The following E2F7 variants were observed in gnomAD, a reference collection of about 807,000 sequenced individuals.
E2F7 encodes E2F transcription factor 7.
E2F7 carries 35 observed loss-of-function variants against 81.1 expected under a neutral mutation model. That is an observed-to-expected ratio of 0.43 (90% CI 0.33 to 0.57). E2F7 has a LOEUF of 0.57. Among genes scored for constraint, E2F7 ranks in the 20% least tolerant of loss-of-function variants. E2F7 has a pLI of 0.04. For synonymous variants in E2F7, 416 were observed against 416.2 expected, an observed-to-expected ratio of 1.00 and a Z score of 0.01; for missense variants, 961 against 1,093.7, an observed-to-expected ratio of 0.88 and a Z score of 1.71.
In E2F7 at chr12:77,028,075, G is replaced by C; in HGVS notation, c.1948C>G (p.Leu650Val). 3.1e-6 allele frequency: 5 copies of C among 1,614,208 alleles called. No homozygotes were observed. Among genetic ancestry groups the C allele is most frequent in the Non-Finnish European group, 4.2e-6 (5 of 1,180,044 alleles). The change falls in exon 11 of 13, where the codon CTC becomes GTC. Residue 650 changes from leucine to valine, a missense_variant. Physicochemically the swap from Leu to Val is conservative, Grantham distance 32. Transcript: ENST00000322886. ...KTMGNRASIP[L>V]KDIHVNGQLP... ...TGGCCATTCACATGAATGTCTTTGA[G>C]GGGTATAGATGCCCTGTTACCCATA...
chr12:77,047,142 G>T lies in E2F7; in HGVS notation c.539-814C>A, dbSNP rs537959912. ...TTTCCCAACACTCCCAAGGCAGCTA[G>T]GATTATAAACTGTCCATTAAACCTA... On this transcript the variant is annotated intron_variant, in intron 4 of 12. Transcript: ENST00000322886. Among the ~76,000 whole-genome samples the T allele has an allele frequency of 8.0e-4, 121 of 152,162 alleles. 1 individual carries two copies. The highest frequency in any genetic ancestry group is 1.5e-3 in the Non-Finnish European group (99 of 68,038).
chr12:77,039,797 C>T (rs1315632634), intron 7 of E2F7, among the ~76,000 whole-genome samples: 3 of 152,194 alleles, frequency 2.0e-5, no homozygotes, highest in Admixed American at 2.0e-4. Flanking sequence ...TGCAGCCTTT[C>T]CATTCCTAGG....
chr12:77,033,575 C>T (rs1204608875), intron 8 of E2F7, among the ~76,000 whole-genome samples: 1 of 152,214 alleles, frequency 6.6e-6, no homozygotes, highest in African/African-American at 2.4e-5. Flanking sequence ...TAATGAATTT[C>T]TGAGATACAT....
rs180975740 is a variant in E2F7 at position 77,038,318 on chromosome 12, A to G, written c.1124-4276T>C. The stretch of plus-strand genomic sequence containing the variant: ...CGTTCCACCAAACAACAGAATATAT[A>G]CTCTGTATATTTGTGTATATTTACC... On this transcript the variant is annotated intron_variant, in intron 7 of 12. Coordinates refer to ENST00000322886, the MANE Select transcript of E2F7 (RefSeq NM_203394.3). Among the ~76,000 whole-genome samples, 184 of 152,168 alleles carry G rather than the reference A, an allele frequency of 1.2e-3. 1 individual carries two copies. The highest frequency in any genetic ancestry group is 4.0e-3 in the African/African-American group (166 of 41,524).
At chr12:77,026,352 G>C (rs1236656664) in intron 11 of E2F7, among the ~76,000 whole-genome samples, 2 of 152,170 alleles carry the variant, frequency 1.3e-5, no homozygotes, top group South Asian at 2.1e-4. Flanking sequence ...ACCCAGGCTG[G>C]AGTGCAGTGG....
Position 77,028,029 on chromosome 12 carries a change from A to T in E2F7, c.1994T>A (p.Ile665Asn). 6.2e-7 allele frequency: 1 copy of T among 1,614,106 alleles called. No individual in the cohort carries two copies. Among genetic ancestry groups the T allele is most frequent in the Non-Finnish European group, 8.5e-7 (1 of 1,180,016 alleles). The part of the protein sequence containing the change: ...VNGQLPAAEE[I>N]SGKATANSLV... ...AGAGTTTGCTGTTGCCTTTCCTGAAATCTCTTCTGCAGCAGGGAGTTGGCC... is the reference window on the plus strand; with the variant it reads ...AGAGTTTGCTGTTGCCTTTCCTGAATTCTCTTCTGCAGCAGGGAGTTGGCC... Residue 665 changes from isoleucine (I) to asparagine (N), a missense_variant, in exon 11 of 13, where the codon ATT becomes AAT. Around this residue, in one of 3 missense-constraint regions of E2F7, gnomAD observed 587 missense variants for 620.3 expected, o/e 0.95. Coordinates refer to ENST00000322886, the MANE Select transcript of E2F7 (RefSeq NM_203394.3).
At chr12:77,050,906 T>C (rs1223227415) in intron 3 of E2F7, among the ~76,000 whole-genome samples, 162 bp from the exon 4 acceptor site, 1 of 152,214 alleles carries the variant, frequency 6.6e-6, no homozygotes, top group Admixed American at 6.5e-5. Context: ...GAATGTTTTA[T>C]CTATTGTCTT....
rs371572509 is a variant in E2F7, at chr12:77,025,907, G to A, written c.2216C>T (p.Pro739Leu). Residue 739 changes from proline (P) to leucine (L), a missense_variant, in exon 12 of 13, where the codon CCG (proline) becomes CTG (leucine). Pro to Leu is a moderately conservative substitution (Grantham distance 98). Around this residue, in one of 3 missense-constraint regions of E2F7, gnomAD observed 587 missense variants for 620.3 expected, o/e 0.95. Coordinates refer to ENST00000322886, the MANE Select transcript of E2F7 (RefSeq NM_203394.3). ...GACCATGCAAGGGACACTGAAAGAC[G>A]GCAGCTGACCTGAGGACGGGCCCAC... ...PTVGPSSGQL[P>L]SFSVPCMVLP... is the part of the protein sequence containing the mutation. The A allele has an allele frequency of 1.3e-4, 213 of 1,614,028 alleles. No homozygotes were observed. Among genetic ancestry groups the A allele is most frequent in the Admixed American group, 1.7e-4 (10 of 59,986 alleles).
chr12:77,054,603 C>T (rs921023168), intron 3 of E2F7, among the ~76,000 whole-genome samples: 8 of 152,052 alleles, frequency 5.3e-5, no homozygotes, highest in Non-Finnish European at 8.8e-5. Context: ...AGTGACTGAT[C>T]GCTAAAATCT....
At chr12:77,030,960 G>A (rs180688717) in intron 9 of E2F7, among the ~76,000 whole-genome samples, 16 of 152,326 alleles carry the variant, frequency 1.1e-4, no homozygotes, top group African/African-American at 3.1e-4. Context: ...AAATGAAGTG[G>A]ACAGTGAGGA....
chr12:77,058,991 G>A (rs540931911), intron 2 of E2F7, among the ~76,000 whole-genome samples: 2 of 152,212 alleles, frequency 1.3e-5, no homozygotes, highest in Non-Finnish European at 2.9e-5. Flanking sequence ...GCTTTGATGA[G>A]TTATTCCAAA....
At chr12:77,028,764 C>A (rs555956267) in intron 10 of E2F7, among the ~76,000 whole-genome samples, 1 of 152,172 alleles carries the variant, frequency 6.6e-6, no homozygotes, top group Non-Finnish European at 1.5e-5. Context: ...TAAGCCACCG[C>A]GCCCGGCTGG....
intron 7 of E2F7, among the ~76,000 whole-genome samples, chr12:77,041,454 G>C (rs892848613): frequency 6.6e-6 from 1 of 152,138 alleles, no homozygotes; most frequent in Admixed American, 6.5e-5. Flanking sequence ...GCCTCCCAAA[G>C]TGCTGGGATT....
Position 77,046,302 on chromosome 12 carries a change from T to G in E2F7, c.565A>C (p.Ile189Leu). 6.2e-7 allele frequency: 1 copy of G among 1,613,576 alleles called. No individual in the cohort carries two copies. Among genetic ancestry groups the G allele is most frequent in the Non-Finnish European group, 8.5e-7 (1 of 1,179,608 alleles). Residue 189 changes from isoleucine to leucine, a missense_variant, in exon 5 of 13, where the codon ATT becomes CTT. This residue lies in a region of E2F7 where 301 missense variants were observed against 405.0 expected (regional missense o/e 0.74). Coordinates refer to ENST00000322886, the MANE Select transcript of E2F7 (RefSeq NM_203394.3). The part of the protein sequence containing the change: ...LGVERRRIYD[I>L]VNVLESLHLV... Reference sequence around the variant, plus strand: ...TGCAGCGACTCCAGCACATTTACAATGTCATAGATGCGTCTCCTTTCCACA... The same window carrying G: ...TGCAGCGACTCCAGCACATTTACAAGGTCATAGATGCGTCTCCTTTCCACA...
chr12:77,043,481 AC>A (rs1954911333), intron 6 of E2F7, among the ~76,000 whole-genome samples: 1 of 152,038 alleles, frequency 6.6e-6, no homozygotes, highest in Non-Finnish European at 1.5e-5. Flanking sequence ...TTGCAAAAAC[AC>A]CAAGGGAGGG....
intron 2 of E2F7, 152 bp downstream of exon 2, chr12:77,064,391 G>A: frequency 3.0e-6 from 2 of 656,022 alleles, no homozygotes; most frequent in Non-Finnish European, 2.5e-6. Context: ...GGTTTGGATG[G>A]CTCTATTTTT....
intron 8 of E2F7, 99 bp downstream of exon 8, chr12:77,033,758 T>G: frequency 8.1e-7 from 1 of 1,227,906 alleles, no homozygotes; most frequent in Non-Finnish European, 1.1e-6. Context: ...GGGCTGAGAG[T>G]CAGTTTGTTT....
In E2F7 at chr12:77,025,938, G is replaced by T; in HGVS notation, c.2185C>A (p.Pro729Thr). 18 of 1,613,530 alleles carry T rather than the reference G, an allele frequency of 1.1e-5. No individual in the cohort carries two copies. Among genetic ancestry groups the T allele is most frequent in the Non-Finnish European group, 1.4e-5 (16 of 1,179,734 alleles). ...TGACCTGAGGACGGGCCCACAGTAG[G>T]GGGGGTTTGACTGCCAGATAAAAGT... Reference protein sequence around the residue: ...NVLLSGSQTPPTVGPSSGQLP... With the variant: ...NVLLSGSQTPTTVGPSSGQLP... The change falls in exon 12 of 13, where the codon CCT becomes ACT. Residue 729 changes from proline to threonine, a missense_variant. By Grantham distance (38) the Pro-to-Thr change is conservative. Coordinates refer to ENST00000322886, the MANE Select transcript of E2F7 (RefSeq NM_203394.3).
chr12:77,045,078 C>T (rs151039597), intron 5 of E2F7, among the ~76,000 whole-genome samples: 13 of 152,204 alleles, frequency 8.5e-5, no homozygotes, highest in South Asian at 4.1e-4. Context: ...AGAATCCATA[C>T]GGTAGTTTTC....
Sources: allele counts gnomAD v4.1 joint callset (sites outside exome capture counted in the v4.1 genomes callset), GRCh38; gene constraint gnomAD v4.1.1; regional missense constraint gnomAD v4.1.1; transcripts MANE v1.5; gene names NCBI Gene and HGNC (gene_info 2026-07-23, HGNC 2026-07-21).